Variants in NRCAM observed in about 807,000 individuals in gnomAD.
NRCAM encodes NgCAM-related cell adhesion molecule.
Under a neutral mutation model 156.5 loss-of-function variants are expected in NRCAM, and 83 were observed. That is an observed-to-expected ratio of 0.53 (90% confidence interval 0.44 to 0.64). The LOEUF is 0.64. NRCAM is among the 30% of genes least tolerant of loss of function. NRCAM has a pLI of 0.00. For missense variants in NRCAM, 1,417 were observed against 1,597.3 expected (o/e 0.89, Z 1.92); for synonymous variants, 538 against 563.9 (o/e 0.95, Z 0.65).
intron 32 of NRCAM, 98 bp downstream of exon 32, chr7:108,159,365 T>C (rs2047454276): frequency 4.9e-6 from 5 of 1,020,374 alleles, no homozygotes; most frequent in African/African-American, 3.2e-5. Context: ...TTGAGGAAAA[T>C]ATGAGATGCC....
chr7:108,384,645 A>G (rs1178283276), intron 2 of NRCAM, among the ~76,000 whole-genome samples: 2 of 152,178 alleles, frequency 1.3e-5, no homozygotes, highest in Non-Finnish European at 2.9e-5. Flanking sequence ...CTCACTGTAA[A>G]GTATTAATAC....
chr7:108,234,935 AAGTTT>A, intron 5 of NRCAM: 1 of 619,408 alleles, frequency 1.6e-6, no homozygotes, highest in Non-Finnish European at 3.0e-6. Context: ...CTCACACTAA[AAGTTT>A]GGGGAAATAA....
At chr7:108,364,136 T>G (rs557883647) in intron 2 of NRCAM, among the ~76,000 whole-genome samples, 72 of 152,336 alleles carry the variant, frequency 4.7e-4, no homozygotes, top group African/African-American at 1.7e-3. Context: ...GTACTATCTT[T>G]GTAATTTTTC....
intron 2 of NRCAM, among the ~76,000 whole-genome samples, chr7:108,362,708 T>G (rs539724512): frequency 6.6e-6 from 1 of 152,124 alleles, no homozygotes; most frequent in African/African-American, 2.4e-5. Context: ...CTTGTGGTAA[T>G]AGATTTAAGT....
chr7:108,171,180 T>C (rs1036449792), intron 28 of NRCAM, among the ~76,000 whole-genome samples: 3 of 152,164 alleles, frequency 2.0e-5, no homozygotes, highest in African/African-American at 7.2e-5. Context: ...CTCTGGGCTT[T>C]CCCAACGGAC....
At chr7:108,182,587 A>C in intron 23 of NRCAM, 108 bp downstream of exon 23, 1 of 924,136 alleles carries the variant, frequency 1.1e-6, no homozygotes, top group Non-Finnish European at 1.7e-6. Flanking sequence ...AGTCGTGCAA[A>C]ATAATTGCCA....
chr7:108,348,830 G>C (rs148502360), intron 2 of NRCAM, among the ~76,000 whole-genome samples: 8 of 151,060 alleles, frequency 5.3e-5, no homozygotes, highest in Non-Finnish European at 1.2e-4. Context: ...GAAAACCCAG[G>C]AAGTGGAGGA....
rs528077254 is a variant in NRCAM at position 108,436,119 on chromosome 7, G to A, written c.-332+20124C>T. On this transcript the variant is annotated intron_variant, in intron 1 of 32. Coordinates refer to ENST00000379028, the MANE Select transcript of NRCAM (RefSeq NM_001037132.4). ...ACTGCACTCCAGCCTGGGCGACAGAGTGAGACTCCGTCTCAAATAAATAAA... is the reference window on the plus strand; with the variant it reads ...ACTGCACTCCAGCCTGGGCGACAGAATGAGACTCCGTCTCAAATAAATAAA... 5.3e-5 allele frequency among the ~76,000 whole-genome samples: 8 copies of A among 152,346 alleles called. No individual in the cohort carries two copies. In the East Asian group the frequency reaches 1.3e-3, roughly 26 times the overall value.
At chr7:108,230,215 T>C (rs1455021884) in intron 8 of NRCAM, among the ~76,000 whole-genome samples, 2 of 151,992 alleles carry the variant, frequency 1.3e-5, no homozygotes, top group Admixed American at 6.6e-5. Context: ...CCTTGATTCC[T>C]CTCTCTCATG....
chr7:108,231,221 A>C, intron 7 of NRCAM, 68 bp from the exon 8 acceptor site: 1 of 1,194,728 alleles, frequency 8.4e-7, no homozygotes, highest in Middle Eastern at 2.1e-4. Flanking sequence ...AGCCCTACAA[A>C]TAAAGGCAAA....
chr7:108,243,424 T>C (rs2095672262), intron 3 of NRCAM, among the ~76,000 whole-genome samples: 1 of 152,246 alleles, frequency 6.6e-6, no homozygotes, highest in African/African-American at 2.4e-5. Flanking sequence ...ACTCTTGATA[T>C]TGACGTCAAT....
intron 3 of NRCAM, among the ~76,000 whole-genome samples, chr7:108,274,338 T>A (rs1269666): frequency 6.6e-6 from 1 of 152,040 alleles, no homozygotes; most frequent in Non-Finnish European, 1.5e-5. Flanking sequence ...GCAGTATGGC[T>A]ATTTTCAGGA....
At chr7:108,231,226 G>A in intron 7 of NRCAM, 73 bp from the exon 8 acceptor site, 1 of 1,111,048 alleles carries the variant, frequency 9.0e-7, no homozygotes. Flanking sequence ...TACAAATAAA[G>A]GCAAACTGAA....
chr7:108,207,602 C>A lies in NRCAM; in HGVS notation c.1133G>T (p.Gly378Val). ...QNLVLSPGEDGTLICRANGNP... is the reference protein window; with the variant it reads ...QNLVLSPGEDVTLICRANGNP... The stretch of plus-strand genomic sequence containing the variant: ...GCCATTAGCTCTGCAGATCAAGGTC[C>A]CATCCTCTCCTGGGGACAGCACAAG... Residue 378 changes from glycine to valine, a missense_variant, in exon 13 of 33, where the codon GGG (glycine) becomes GTG (valine). By Grantham distance (109) the Gly-to-Val change is moderately radical (BLOSUM62 -3). Coordinates refer to ENST00000379028, the MANE Select transcript of NRCAM (RefSeq NM_001037132.4). 6.2e-7 allele frequency: 1 copy of A among 1,613,918 alleles called. No individual in the cohort carries two copies. The highest frequency in any genetic ancestry group is 8.5e-7 in the Non-Finnish European group (1 of 1,179,850).
At chr7:108,263,777 CAT>C (rs1161475510) in intron 3 of NRCAM, among the ~76,000 whole-genome samples, 5 of 152,208 alleles carry the variant, frequency 3.3e-5, no homozygotes, top group African/African-American at 7.2e-5. Flanking sequence ...GCAAGGAACA[CAT>C]GTTAGACAGC....
At chr7:108,277,103 C>T (rs1010751428) in intron 3 of NRCAM, among the ~76,000 whole-genome samples, 2 of 152,170 alleles carry the variant, frequency 1.3e-5, no homozygotes, top group Non-Finnish European at 2.9e-5. Context: ...CAGAGAGATC[C>T]GCTGTTAGTC....
At chr7:108,366,819 C>T (rs1415068560) in intron 2 of NRCAM, among the ~76,000 whole-genome samples, 2 of 152,194 alleles carry the variant, frequency 1.3e-5, no homozygotes, top group African/African-American at 4.8e-5. Context: ...CATTTGACTA[C>T]ACCATACTAT....
intron 3 of NRCAM, among the ~76,000 whole-genome samples, chr7:108,276,156 C>T (rs931741874): frequency 3.9e-5 from 6 of 152,002 alleles, no homozygotes; most frequent in South Asian, 2.1e-4. Context: ...CTTCCAATTA[C>T]GTGGTCAATT....
At chr7:108,299,637 C>T (rs978650727) in intron 3 of NRCAM, among the ~76,000 whole-genome samples, 1 of 152,168 alleles carries the variant, frequency 6.6e-6, no homozygotes, top group African/African-American at 2.4e-5. Context: ...AGTGCAACAA[C>T]CTTGACAGTC....
Sources: allele counts gnomAD v4.1 joint callset (sites outside exome capture counted in the v4.1 genomes callset), GRCh38; gene constraint gnomAD v4.1.1; transcripts MANE v1.5; gene names NCBI Gene and HGNC (gene_info 2026-07-23, HGNC 2026-07-21).